LRFN5: variants seen among roughly 807,000 people sequenced by gnomAD.
LRFN5 encodes leucine rich repeat and fibronectin type III domain containing 5, also known as leucine-rich repeat and fibronectin type-III domain-containing protein 5.
LRFN5 carries 24 observed loss-of-function variants against 45.6 expected under a neutral mutation model. That is an observed-to-expected ratio of 0.53 (90% CI 0.38 to 0.74). The LOEUF is 0.74. Among genes scored for constraint, LRFN5 ranks in the 30% least tolerant of loss-of-function variants. LRFN5 has a pLI of 0.00. For synonymous variants in LRFN5, 340 were observed against 313.8 expected, an observed-to-expected ratio of 1.08 and a Z score of -0.88; for missense variants, 776 against 861.5, an observed-to-expected ratio of 0.90 and a Z score of 1.24.
At chr14:41,625,047 A>G (rs1051606950) in intron 1 of LRFN5, among the ~76,000 whole-genome samples, 5 of 151,916 alleles carry the variant, frequency 3.3e-5, no homozygotes, top group African/African-American at 1.2e-4. Flanking sequence ...TTCTATTCAT[A>G]TTTTTCTAAG....
At chr14:41,786,200 G>A (rs1886714519) in intron 2 of LRFN5, among the ~76,000 whole-genome samples, 1 of 152,042 alleles carries the variant, frequency 6.6e-6, no homozygotes. Flanking sequence ...GACAGACAAT[G>A]GGCAAAATAA....
chr14:41,693,767 C>G (rs1194004142), intron 1 of LRFN5, among the ~76,000 whole-genome samples: 1 of 151,708 alleles, frequency 6.6e-6, no homozygotes, highest in East Asian at 1.9e-4. Flanking sequence ...TTTTCTTTTT[C>G]TTGCTTCATT....
chr14:41,862,681 C>G (rs1246191430), intron 2 of LRFN5, among the ~76,000 whole-genome samples: 2 of 152,044 alleles, frequency 1.3e-5, no homozygotes, highest in East Asian at 1.9e-4. Flanking sequence ...AGATGTTGCT[C>G]TATCTATAAT....
intron 1 of LRFN5, among the ~76,000 whole-genome samples, chr14:41,614,078 G>A (rs954003258): frequency 2.6e-5 from 4 of 151,976 alleles, no homozygotes; most frequent in Admixed American, 2.0e-4. Flanking sequence ...TGGAAATATA[G>A]GATGTGGTAC....
At chr14:41,785,690 C>T (rs1402831519) in intron 2 of LRFN5, among the ~76,000 whole-genome samples, 5 of 152,034 alleles carry the variant, frequency 3.3e-5, no homozygotes, top group Admixed American at 3.3e-4. Context: ...TACAACTCAC[C>T]ATAATGTAGA....
At chr14:41,620,990 T>C (rs757493384) in intron 1 of LRFN5, among the ~76,000 whole-genome samples, 2 of 152,018 alleles carry the variant, frequency 1.3e-5, no homozygotes, top group African/African-American at 2.4e-5. Flanking sequence ...AAATATTGAT[T>C]TTGGAATGTG....
intron 1 of LRFN5, among the ~76,000 whole-genome samples, chr14:41,679,810 G>A (rs1881803840): frequency 1.3e-5 from 2 of 152,154 alleles, no homozygotes; most frequent in African/African-American, 4.8e-5. Context: ...GCAGGCACTT[G>A]GAGTCCTTGA....
intron 2 of LRFN5, among the ~76,000 whole-genome samples, chr14:41,823,398 T>C (rs2139018106): frequency 6.7e-6 from 1 of 149,684 alleles, no homozygotes; most frequent in Admixed American, 6.7e-5. Context: ...AAGCTTAGTT[T>C]AGAAGGATAC....
At chr14:41,646,345 CTTTCTA>C (rs950980426) in intron 1 of LRFN5, among the ~76,000 whole-genome samples, 2 of 152,006 alleles carry the variant, frequency 1.3e-5, no homozygotes, top group Non-Finnish European at 2.9e-5. Context: ...GCAGAAATTT[CTTTCTA>C]TTCCTATTCC....
intron 2 of LRFN5, among the ~76,000 whole-genome samples, chr14:41,870,417 C>T (rs1264520761): frequency 1.3e-5 from 2 of 152,132 alleles, no homozygotes; most frequent in African/African-American, 4.8e-5. Context: ...TTAATTGACT[C>T]ACAGTTCCAC....
At chr14:41,851,334 G>A (rs975703363) in intron 2 of LRFN5, among the ~76,000 whole-genome samples, 3 of 151,492 alleles carry the variant, frequency 2.0e-5, no homozygotes, top group Non-Finnish European at 4.4e-5. Flanking sequence ...CAGTTTACAT[G>A]CAAAGCATTT....
rs567649828 is a variant in LRFN5 at position 41,883,989 on chromosome 14, A to ACAG, written c.-20-2614_-20-2612dup. On this transcript the variant is annotated intron_variant, in intron 2 of 5. Transcript: ENST00000298119. Reference sequence around the variant, plus strand: ...CCTTTCATCCCTTTTTATCAGTATTACAGCATGGTTTGTACCTATTACCCT... The same window carrying ACAG: ...CCTTTCATCCCTTTTTATCAGTATTACAGCAGCATGGTTTGTACCTATTACCCT... Among the ~76,000 whole-genome samples, 686 of 152,236 alleles carry ACAG rather than the reference A, an allele frequency of 4.5e-3. 4 individuals carry two copies. The highest frequency in any genetic ancestry group is 7.5e-3 in the Non-Finnish European group (508 of 68,018).
chr14:41,703,921 G>T (rs1882940315), intron 1 of LRFN5, among the ~76,000 whole-genome samples: 1 of 151,982 alleles, frequency 6.6e-6, no homozygotes, highest in Non-Finnish European at 1.5e-5. Flanking sequence ...ATGTCAAGCA[G>T]AGCATAAGGA....
chr14:41,747,298 CAGTAATCAA>C (rs1456689050), intron 1 of LRFN5, among the ~76,000 whole-genome samples: 1 of 151,476 alleles, frequency 6.6e-6, no homozygotes, highest in African/African-American at 2.4e-5. Flanking sequence ...TACAAAGTTA[CAGTAATCAA>C]AGGATTTTGG....
intron 2 of LRFN5, among the ~76,000 whole-genome samples, chr14:41,873,113 G>A (rs1023304037): frequency 2.0e-5 from 3 of 152,038 alleles, no homozygotes; most frequent in Non-Finnish European, 2.9e-5. Flanking sequence ...CAGTAATGAC[G>A]GCTGCTGCAG....
At chr14:41,877,336 A>G (rs1890219183) in intron 2 of LRFN5, among the ~76,000 whole-genome samples, 1 of 152,198 alleles carries the variant, frequency 6.6e-6, no homozygotes, top group Admixed American at 6.5e-5. Context: ...GACATAAAAC[A>G]TCTTTTTATG....
chr14:41,659,881 C>T lies in LRFN5; in HGVS notation c.-197+51319C>T, dbSNP rs1880558952. ...GAAGTGTCTGTTCATGTCCTTCACC[C>T]ACTTTTTGATGTTTTTTTTTTTTTT... On this transcript the variant is annotated intron_variant, in intron 1 of 5. Coordinates refer to ENST00000298119, the MANE Select transcript of LRFN5 (RefSeq NM_152447.5). 3.4e-5 allele frequency among the ~76,000 whole-genome samples: 5 copies of T among 147,408 alleles called. No homozygotes were observed. In the South Asian group the frequency reaches 1.1e-3, roughly 31 times the overall value.
At chr14:41,823,348 G>A (rs1238550615) in intron 2 of LRFN5, among the ~76,000 whole-genome samples, 5 of 151,554 alleles carry the variant, frequency 3.3e-5, no homozygotes, top group Non-Finnish European at 7.4e-5. Flanking sequence ...AATTCCCTTA[G>A]CATTCGCTTG....
intron 2 of LRFN5, among the ~76,000 whole-genome samples, chr14:41,818,608 A>G (rs1212838866): frequency 6.6e-6 from 1 of 151,988 alleles, no homozygotes; most frequent in Non-Finnish European, 1.5e-5. Context: ...CTAATTGGCT[A>G]TATTCTTGTG....
Sources: gnomAD v4.1 joint callset for allele counts (sites outside exome capture counted in the v4.1 genomes callset) on GRCh38, gnomAD v4.1.1 for gene constraint, MANE v1.5 for transcripts, NCBI Gene and HGNC (gene_info 2026-07-23, HGNC 2026-07-21) for gene names.